Variants in ARHGEF3 observed in about 807,000 individuals in gnomAD.
ARHGEF3 encodes 59.8 kDA protein.
ARHGEF3 carries 28 observed loss-of-function variants against 63.2 expected under a neutral mutation model. That is an observed-to-expected ratio of 0.44 (90% CI 0.33 to 0.61). ARHGEF3 has a LOEUF of 0.61. ARHGEF3 is among the 20% of genes least tolerant of loss of function. ARHGEF3 has a pLI of 0.03. For missense variants in ARHGEF3, 533 were observed against 659.3 expected (o/e 0.81, Z 2.10); for synonymous variants, 266 against 254.2 (o/e 1.05, Z -0.44).
chr3:56,762,191 G>C (rs1180285379), intron 2 of ARHGEF3, among the ~76,000 whole-genome samples: 2 of 152,144 alleles, frequency 1.3e-5, no homozygotes, highest in Non-Finnish European at 1.5e-5. Flanking sequence ...ACCTCAAAGT[G>C]AGGGACCTGG....
At chr3:57,059,759 G>A (rs767832413) in intron 1 of ARHGEF3, among the ~76,000 whole-genome samples, 14 of 152,156 alleles carry the variant, frequency 9.2e-5, no homozygotes, top group Non-Finnish European at 2.1e-4. Context: ...CACTTTGGGA[G>A]GCCAAGTTGG....
intron 4 of ARHGEF3, among the ~76,000 whole-genome samples, chr3:56,858,970 T>C (rs554508705): frequency 2.0e-4 from 30 of 152,144 alleles, no homozygotes; most frequent in African/African-American, 6.7e-4. Flanking sequence ...GCTTGCAAAA[T>C]GTTTTTAAAT....
intron 3 of ARHGEF3, among the ~76,000 whole-genome samples, chr3:56,884,532 T>C (rs1382599576): frequency 6.6e-6 from 1 of 152,168 alleles, no homozygotes; most frequent in Non-Finnish European, 1.5e-5. Context: ...ACCTGAGGAA[T>C]GATTCAGAGA....
intron 1 of ARHGEF3, among the ~76,000 whole-genome samples, chr3:56,785,585 C>A (rs1373577327): frequency 6.6e-6 from 1 of 152,222 alleles, no homozygotes; most frequent in Non-Finnish European, 1.5e-5. Context: ...CACAGAACCA[C>A]AGAAAAGTCC....
At chr3:56,987,221 A>G (rs561880185) in intron 2 of ARHGEF3, among the ~76,000 whole-genome samples, 48 of 152,268 alleles carry the variant, frequency 3.2e-4, no homozygotes, top group African/African-American at 1.1e-3. Context: ...CAGAAAACAA[A>G]CAAACAAGTA....
intron 2 of ARHGEF3, among the ~76,000 whole-genome samples, chr3:57,029,429 C>CAA (rs58665707): frequency 7.8e-5 from 11 of 141,066 alleles, no homozygotes; most frequent in East Asian, 2.1e-4. Context: ...AACTCCGTCT[C>CAA]AAAAAAAAAA....
chr3:56,916,924 T>C (rs1268806525), intron 3 of ARHGEF3, among the ~76,000 whole-genome samples: 3 of 152,202 alleles, frequency 2.0e-5, no homozygotes, highest in Non-Finnish European at 4.4e-5. Context: ...TTTTGTCTTA[T>C]GCAAACCTGG....
At chr3:56,816,165 T>C (rs2038263407) in intron 4 of ARHGEF3, among the ~76,000 whole-genome samples, 1 of 152,112 alleles carries the variant, frequency 6.6e-6, no homozygotes, top group Non-Finnish European at 1.5e-5. Flanking sequence ...CAGTGAGCTA[T>C]GATTGTACCA....
rs2032895661 is a variant in ARHGEF3, at chr3:56,728,745, G to A, written c.*525C>T. ...TCAGAATCCCCAGGGATGTTTTCAA[G>A]CTTTCTAGTTGAGTAAGATCAAACC... On this transcript the variant is annotated 3_prime_UTR_variant, in exon 10 of 10. Coordinates refer to ENST00000296315, the MANE Select transcript of ARHGEF3 (RefSeq NM_019555.3). 6.5e-6 allele frequency: 1 copy of A among 153,242 alleles called. No individual in the cohort carries two copies. The highest frequency in any genetic ancestry group is 2.4e-5 in the African/African-American group (1 of 41,460). The allele number at this position is 153,242 out of a possible 1,614,324, so 9.5% of individuals were successfully genotyped here.
chr3:57,017,565 G>T (rs1181290502), intron 2 of ARHGEF3, among the ~76,000 whole-genome samples: 1 of 152,178 alleles, frequency 6.6e-6, no homozygotes, highest in Non-Finnish European at 1.5e-5. Flanking sequence ...TTGACCCTCT[G>T]CTAGTTGGGT....
At chr3:56,992,375 T>TAAAAAAAAAAAAAA (rs57740672) in intron 2 of ARHGEF3, among the ~76,000 whole-genome samples, 7 of 46,150 alleles carry the variant, frequency 1.5e-4, no homozygotes, top group African/African-American at 2.5e-4. Context: ...AGGATGGCTT[T>TAAAAAAAAAAAAAA]AAAAAAAAAA....
At position 56,958,772 on chromosome 3, in the gene ARHGEF3, G is replaced by A. The variant is rs1364535018; in HGVS notation, c.129+51C>T. On this transcript the variant is annotated intron_variant, in intron 3 of 12. Transcript: ENST00000338458. ...GCGTCCGTTCTGGAGGCCAGAGCAT[G>A]TATCCATAATAGGACATTTAACAGC... 3.3e-6 allele frequency: 5 copies of A among 1,506,904 alleles called. No homozygotes were observed. In the East Asian group the frequency reaches 1.2e-4, roughly 37 times the overall value. The allele number at this position is 1,506,904 out of a possible 1,614,324, so 93.3% of individuals were successfully genotyped here.
chr3:56,776,873 C>T (rs886148850), intron 1 of ARHGEF3, among the ~76,000 whole-genome samples: 1 of 152,066 alleles, frequency 6.6e-6, no homozygotes, highest in Non-Finnish European at 1.5e-5. Context: ...GACACCACCC[C>T]CCACCACGTG....
intron 2 of ARHGEF3, among the ~76,000 whole-genome samples, chr3:57,015,249 G>A (rs540760098): frequency 6.6e-6 from 1 of 152,040 alleles, no homozygotes; most frequent in African/African-American, 2.4e-5. Context: ...TTTCTAATCT[G>A]ACCTAGAGAT....
intron 1 of ARHGEF3, among the ~76,000 whole-genome samples, chr3:57,045,202 G>A (rs912413567): frequency 1.3e-5 from 2 of 152,158 alleles, no homozygotes; most frequent in South Asian, 4.1e-4. Context: ...AGGAGACGGA[G>A]GTTAAAGTGG....
At chr3:57,053,802 G>A (rs11706697) in intron 1 of ARHGEF3, among the ~76,000 whole-genome samples, 11,545 of 152,252 alleles carry the variant, frequency 0.076, 684 homozygotes, top group East Asian at 0.29. Flanking sequence ...CACTGTGTTA[G>A]AAGTTTTATC....
At chr3:57,042,690 A>ATTTTTT (rs1271376418) in intron 1 of ARHGEF3, among the ~76,000 whole-genome samples, 289 of 13,044 alleles carry the variant, frequency 0.022, 25 homozygotes, top group Admixed American at 0.039. Context: ...ATATATATAT[A>ATTTTTT]TATATATATA....
chr3:56,781,267 A>C (rs1447800866), intron 1 of ARHGEF3, among the ~76,000 whole-genome samples: 3 of 146,362 alleles, frequency 2.0e-5, no homozygotes, highest in Non-Finnish European at 4.5e-5. Flanking sequence ...TCTTTTTTTG[A>C]GACAGAGTCT....
chr3:56,895,125 C>T (rs2041256163), intron 3 of ARHGEF3, among the ~76,000 whole-genome samples: 1 of 152,152 alleles, frequency 6.6e-6, no homozygotes. Context: ...GTGGTGAACC[C>T]CTCCTCCACT....
Sources: gnomAD v4.1 joint callset for allele counts (sites outside exome capture counted in the v4.1 genomes callset) on GRCh38, gnomAD v4.1.1 for gene constraint, MANE v1.5 for transcripts, NCBI Gene and HGNC (gene_info 2026-07-23, HGNC 2026-07-21) for gene names.